Variants in PRIM2 observed in about 807,000 individuals in gnomAD.
PRIM2 encodes DNA primase subunit 2, also known as DNA primase large subunit.
PRIM2 carries 39 observed loss-of-function variants against 67.3 expected under a neutral mutation model. The observed-to-expected ratio is 0.58, with a 90% CI of 0.45 to 0.76. The LOEUF is 0.76. Ranked by LOEUF, PRIM2 falls within the 30% of genes least tolerant of loss-of-function variation. The pLI is 0.00. For synonymous variants in PRIM2, 143 were observed against 198.7 expected (o/e 0.72, Z 2.36); for missense variants, 398 against 598.7 (o/e 0.66, Z 3.50).
At chr6:57,571,108 T>A (rs1427695130) in intron 10 of PRIM2, among the ~76,000 whole-genome samples, 1 of 152,246 alleles carries the variant, frequency 6.6e-6, no homozygotes. Context: ...ATGAAAAGCA[T>A]TTTCTCATCT....
rs1562795208 is a variant in PRIM2, at chr6:57,576,515, C to T, written c.1021-24578C>T. Among the ~76,000 whole-genome samples, 26 of 152,258 alleles carry T rather than the reference C, an allele frequency of 1.7e-4. No individual in the cohort carries two copies. The South Asian group carries it at 5.4e-3, about 32-fold the overall frequency. On this transcript the variant is annotated intron_variant, in intron 10 of 13. Transcript: ENST00000615550. ...TTTCTGCACTGCAGAGAACACAATC[C>T]ATCAATAACTTAATTCAGTTACATT...
chr6:57,347,876 A>T (rs1768729329), intron 5 of PRIM2, among the ~76,000 whole-genome samples: 1 of 152,228 alleles, frequency 6.6e-6, no homozygotes, highest in African/African-American at 2.4e-5. Flanking sequence ...TACTAAATAT[A>T]TGAGTAGATT....
At chr6:57,570,177 A>T (rs1342548703) in intron 10 of PRIM2, among the ~76,000 whole-genome samples, 1 of 152,224 alleles carries the variant, frequency 6.6e-6, no homozygotes, top group Non-Finnish European at 1.5e-5. Context: ...TCTTTAAGAA[A>T]GGTAATAGAA....
chr6:57,241,688 A>ATTTTTTTTT, the PRIM2 span, among the ~76,000 whole-genome samples: 4 of 119,110 alleles, frequency 3.4e-5, no homozygotes, highest in African/African-American at 9.6e-5. Context: ...AGAACTATGT[A>ATTTTTTTTT]TTTTTTTTTT....
chr6:57,625,768 T>C (rs1472116430), intron 12 of PRIM2, among the ~76,000 whole-genome samples: 2 of 152,188 alleles, frequency 1.3e-5, no homozygotes, highest in Non-Finnish European at 2.9e-5. Context: ...TCAGAAAAAT[T>C]CTTGACATAT....
At chr6:57,452,018 T>A (rs1161726894) in intron 7 of PRIM2, among the ~76,000 whole-genome samples, 1 of 150,210 alleles carries the variant, frequency 6.7e-6, no homozygotes, top group Non-Finnish European at 1.5e-5. Context: ...CACCTATGAG[T>A]GAGAACATGC....
chr6:57,337,153 G>A (rs1384963803), intron 5 of PRIM2, among the ~76,000 whole-genome samples: 4 of 152,150 alleles, frequency 2.6e-5, no homozygotes, highest in Non-Finnish European at 4.4e-5. Context: ...TCAATAAGAA[G>A]AGCTAACTAT....
At chr6:57,273,713 G>A in the PRIM2 span, among the ~76,000 whole-genome samples, 3 of 152,186 alleles carry the variant, frequency 2.0e-5, no homozygotes, top group Non-Finnish European at 4.4e-5. Context: ...CTGGTTTTTA[G>A]AGTTTCCAGT....
At chr6:57,621,309 A>G (rs1776849417) in intron 12 of PRIM2, among the ~76,000 whole-genome samples, 1 of 152,142 alleles carries the variant, frequency 6.6e-6, no homozygotes, top group Non-Finnish European at 1.5e-5. Context: ...TTTTTTCTTT[A>G]TAAGGGCCTT....
intron 10 of PRIM2, among the ~76,000 whole-genome samples, chr6:57,573,833 G>A (rs1775911514): frequency 2.0e-5 from 3 of 152,324 alleles, no homozygotes; most frequent in Admixed American, 1.3e-4. Flanking sequence ...GAGTTTCCGC[G>A]TAGTTGGTGC....
intron 5 of PRIM2, among the ~76,000 whole-genome samples, chr6:57,377,030 C>G (rs1769789824): frequency 6.6e-6 from 1 of 151,878 alleles, no homozygotes; most frequent in Non-Finnish European, 1.5e-5. Context: ...GCGTGCACCA[C>G]CATGCCCAGC....
the PRIM2 span, among the ~76,000 whole-genome samples, chr6:57,238,055 T>C: frequency 1.3e-5 from 2 of 152,102 alleles, no homozygotes; most frequent in African/African-American, 2.4e-5. Flanking sequence ...GCACCCAGAT[T>C]CATAAAGCAA....
chr6:57,292,668 C>T, the PRIM2 span, among the ~76,000 whole-genome samples: 4 of 152,026 alleles, frequency 2.6e-5, no homozygotes, highest in African/African-American at 9.6e-5. Flanking sequence ...AGAATAGAGG[C>T]CTCCGAAATA....
intron 5 of PRIM2, among the ~76,000 whole-genome samples, chr6:57,353,402 A>G (rs1426403483): frequency 1.3e-5 from 2 of 152,212 alleles, no homozygotes; most frequent in South Asian, 2.1e-4. Flanking sequence ...TTTAGAAAGG[A>G]TAACTTACTT....
intron 11 of PRIM2, 142 bp downstream of exon 11, chr6:57,601,361 C>T: frequency 2.5e-6 from 2 of 813,978 alleles, no homozygotes; most frequent in Non-Finnish European, 3.6e-6. Flanking sequence ...CAAGCTAGAG[C>T]TCCATTACTC....
chr6:57,483,764 G>C (rs1773682789), intron 7 of PRIM2, among the ~76,000 whole-genome samples: 1 of 152,138 alleles, frequency 6.6e-6, no homozygotes, highest in Non-Finnish European at 1.5e-5. Context: ...GAGAGGGAGT[G>C]GTTGTTAGTG....
At chr6:57,613,029 A>G (rs1776694290) in intron 12 of PRIM2, among the ~76,000 whole-genome samples, 2 of 152,008 alleles carry the variant, frequency 1.3e-5, no homozygotes, top group Admixed American at 1.3e-4. Context: ...CTCATGGCTC[A>G]AGCAGTCCTG....
intron 13 of PRIM2, among the ~76,000 whole-genome samples, chr6:57,641,066 G>T (rs1214210528): frequency 1.6e-4 from 25 of 151,758 alleles, no homozygotes; most frequent in Non-Finnish European, 2.9e-4. Flanking sequence ...ACAGAACAGA[G>T]GCCTCAGAAA....
chr6:57,308,822 C>T, the PRIM2 span, among the ~76,000 whole-genome samples: 85 of 152,076 alleles, frequency 5.6e-4, no homozygotes, highest in African/African-American at 2.0e-3. Context: ...TTGTGAAATA[C>T]TTGTTCAGGT....
Sources: gnomAD v4.1 joint callset for allele counts (sites outside exome capture counted in the v4.1 genomes callset) on GRCh38, gnomAD v4.1.1 for gene constraint, MANE v1.5 for transcripts, NCBI Gene and HGNC (gene_info 2026-07-23, HGNC 2026-07-21) for gene names.